Variants in SBF1 observed in about 807,000 individuals in gnomAD.
SBF1 encodes the protein SET binding factor 1.
SBF1 carries 65 observed loss-of-function variants against 215.8 expected under a neutral mutation model. The ratio of observed to expected loss-of-function variants is 0.30; its 90% CI spans 0.25 to 0.37. The LOEUF (loss-of-function observed/expected upper bound fraction) is 0.37. Among genes scored for constraint, SBF1 ranks in the 10% least tolerant of loss-of-function variants. The pLI, the probability that SBF1 is intolerant of heterozygous loss-of-function variation, is 1.00. For synonymous variants in SBF1, 1,410 were observed against 1,122.8 expected, an observed-to-expected ratio of 1.26 and a Z score of -5.11; for missense variants, 2,634 against 2,667.8, an observed-to-expected ratio of 0.99 and a Z score of 0.28.
intron 36 of SBF1, among the ~76,000 whole-genome samples, chr22:50,454,247 T>C (rs1323907856): frequency 6.6e-6 from 1 of 152,130 alleles, no homozygotes; most frequent in African/African-American, 2.4e-5. Context: ...GAGTGGAGGC[T>C]GTGTACTGAG....
chr22:50,474,686 T>A, intron 1 of SBF1, 100 bp downstream of exon 1: 30 of 519,294 alleles, frequency 5.8e-5, no homozygotes, highest in East Asian at 1.3e-4. Flanking sequence ...CCCCCAGCCC[T>A]CGGCCCCCAG....
intron 1 of SBF1, among the ~76,000 whole-genome samples, chr22:50,473,530 G>A (rs574990983): frequency 2.6e-5 from 4 of 152,328 alleles, no homozygotes; most frequent in South Asian, 2.1e-4. Context: ...CACACACTTG[G>A]ATAGACATGA....
chr22:50,462,528 C>T (rs767195776), intron 18 of SBF1, 31 bp downstream of exon 18: 2 of 1,609,934 alleles, frequency 1.2e-6, no homozygotes, highest in South Asian at 1.1e-5. Flanking sequence ...CCCCTAGCCC[C>T]CAGCCCCCAG....
intron 1 of SBF1, among the ~76,000 whole-genome samples, chr22:50,470,730 T>A (rs563231431): frequency 2.4e-4 from 36 of 152,266 alleles, no homozygotes; most frequent in Non-Finnish European, 2.1e-4. Context: ...GTAGAACACG[T>A]ACAGTCGGCT....
Position 50,466,383 on chromosome 22 carries a change from C to G in SBF1, c.755G>C (p.Gly252Ala). The G allele has an allele frequency of 6.4e-7, 1 of 1,556,948 alleles. No individual in the cohort carries two copies. Among genetic ancestry groups the G allele is most frequent in the Non-Finnish European group, 8.7e-7 (1 of 1,150,614 alleles). ...SYQRLADACR[G>A]LLALLFPLRY... ...GAGAGGAAACAGCAGTGCCAGGAGGCCCCTACAGGCATCGGCGAGCCGCTG... is the reference window on the plus strand; with the variant it reads ...GAGAGGAAACAGCAGTGCCAGGAGGGCCCTACAGGCATCGGCGAGCCGCTG... The change falls in exon 7 of 41, where the codon GGC (glycine) becomes GCC (alanine). Residue 252 changes from glycine to alanine, a missense_variant. By Grantham distance (60) the Gly-to-Ala change is moderately conservative. Transcript: ENST00000380817.
chr22:50,458,321 AAAG>A (rs2067343998), intron 28 of SBF1, among the ~76,000 whole-genome samples: 1 of 110,142 alleles, frequency 9.1e-6, no homozygotes, highest in Admixed American at 9.4e-5. Context: ...AAAAAAAAAA[AAAG>A]GTCAGGGCTG....
Position 50,467,568 on chromosome 22 carries a change from T to C in SBF1, c.402A>G (p.Val134=). ...SAQLFAPKTL[V]LVSRLDHTEV... The stretch of plus-strand genomic sequence containing the variant: ...CCGTGTGGTCGAGTCGCGACACCAG[T>C]ACCAGCGTCTTCGGTGCAAACAGCT... Residue 134 remains valine, a synonymous_variant, in exon 4 of 41, where the codon GTA becomes GTG. Coordinates refer to ENST00000380817, the MANE Select transcript of SBF1 (RefSeq NM_002972.4). The C allele has an allele frequency of 6.2e-7, 1 of 1,614,136 alleles. No individual in the cohort carries two copies. Among genetic ancestry groups the C allele is most frequent in the South Asian group, 1.1e-5 (1 of 91,082 alleles).
chr22:50,448,852 T>C (rs1313043133), intron 36 of SBF1, among the ~76,000 whole-genome samples: 3 of 152,070 alleles, frequency 2.0e-5, no homozygotes, highest in South Asian at 2.1e-4. Context: ...TTTCCCAAAC[T>C]AACCAGAGGC....
intron 15 of SBF1, 106 bp downstream of exon 15, chr22:50,464,223 C>T: frequency 1.1e-6 from 1 of 942,070 alleles, no homozygotes; most frequent in Non-Finnish European, 1.6e-6. Flanking sequence ...GTCTGTTAGG[C>T]AGAGGAGGCC....
In SBF1 at chr22:50,466,063, A is replaced by G. The variant is rs778070951; in HGVS notation, c.909T>C (p.Ile303=). The G allele has an allele frequency of 6.2e-7, 1 of 1,613,840 alleles. No individual in the cohort carries two copies. The highest frequency in any genetic ancestry group is 1.1e-5 in the South Asian group (1 of 91,086). The stretch of plus-strand genomic sequence containing the variant: ...CCGTCCCTCCATCCAGATCAGCAAC[A>G]ATCACATCGAGCTGCGGACCAAGGG... ...QAETQELLDV[I]VADLDGGTVT... is the part of the protein sequence containing the mutation. The change falls in exon 9 of 41, where the codon ATT becomes ATC. Residue 303 remains isoleucine, a synonymous_variant. Coordinates refer to ENST00000380817, the MANE Select transcript of SBF1 (RefSeq NM_002972.4).
chr22:50,462,122 G>A lies in SBF1; in HGVS notation c.2397-3C>T. ...TCTCGGCCACACTGCCAGCCATGCTGGGCCAGAGAAGAAACTGTGGGCATG... is the reference window on the plus strand; with the variant it reads ...TCTCGGCCACACTGCCAGCCATGCTAGGCCAGAGAAGAAACTGTGGGCATG... On this transcript the variant is annotated splice_polypyrimidine_tract_variant and splice_region_variant and intron_variant, in intron 19 of 40. Transcript: ENST00000380817. 1.9e-6 allele frequency: 3 copies of A among 1,612,822 alleles called. No individual in the cohort carries two copies. The highest frequency in any genetic ancestry group is 2.5e-6 in the Non-Finnish European group (3 of 1,180,006).
intron 19 of SBF1, 25 bp from the exon 20 acceptor site, chr22:50,462,144 C>A (rs1480070365): frequency 5.6e-6 from 9 of 1,610,584 alleles, no homozygotes; most frequent in Non-Finnish European, 7.6e-6. Flanking sequence ...AAACTGTGGG[C>A]ATGGGCCCTG....
chr22:50,460,506 C>A (rs1403168261), intron 24 of SBF1, 28 bp downstream of exon 24: 4 of 1,611,500 alleles, frequency 2.5e-6, no homozygotes, highest in Non-Finnish European at 3.4e-6. Flanking sequence ...TGAGGCCCAG[C>A]TGCCCTGCCT....
chr22:50,454,264 G>A (rs1382615522), intron 36 of SBF1, among the ~76,000 whole-genome samples: 1 of 152,214 alleles, frequency 6.6e-6, no homozygotes, highest in Non-Finnish European at 1.5e-5. Flanking sequence ...TGAGACCTGA[G>A]GGTCTCTGAT....
intron 36 of SBF1, among the ~76,000 whole-genome samples, chr22:50,452,024 G>A (rs537950297): frequency 6.6e-6 from 1 of 151,624 alleles, no homozygotes; most frequent in Non-Finnish European, 1.5e-5. Flanking sequence ...TCGAACTCCT[G>A]ACCTCAGGTT....
At chr22:50,459,846 C>T in intron 26 of SBF1, 106 bp downstream of exon 26, 1 of 1,445,146 alleles carries the variant, frequency 6.9e-7, no homozygotes, top group Non-Finnish European at 9.6e-7. Context: ...GAGTCTCCCC[C>T]TCCACATTCC....
At position 50,474,802 on chromosome 22, in the gene SBF1, G is replaced by A. The variant is rs1233981025; in HGVS notation, c.39C>T (p.Phe13=). Residue 13 remains phenylalanine, a synonymous_variant, in exon 1 of 41, where the codon TTC becomes TTT. Coordinates refer to ENST00000380817, the MANE Select transcript of SBF1 (RefSeq NM_002972.4). ...GGCACTCACCGCGCGGGTGCGGCCC[G>A]AACGCCACCAGCACGAAGTAGTCCG... The part of the protein sequence containing the change: ...RLADYFVLVA[F]GPHPRGSGEG... 4.1e-6 allele frequency: 6 copies of A among 1,458,362 alleles called. No homozygotes were observed. The highest frequency in any genetic ancestry group is 3.1e-5 in the East Asian group (1 of 32,046). 90.3% of individuals were successfully genotyped at this position (1,458,362 alleles called of 1,614,324 possible).
chr22:50,447,032 G>A lies in SBF1; in HGVS notation c.*110C>T. ...GTACACACAAGTGCTGGGGGCTCGGGGCCTCAATACTGTCGAGGGCCGGGG... is the reference window on the plus strand; with the variant it reads ...GTACACACAAGTGCTGGGGGCTCGGAGCCTCAATACTGTCGAGGGCCGGGG... On this transcript the variant is annotated 3_prime_UTR_variant, in exon 41 of 41. Coordinates refer to ENST00000380817, the MANE Select transcript of SBF1 (RefSeq NM_002972.4). 3 of 954,802 alleles carry A rather than the reference G, an allele frequency of 3.1e-6. No individual in the cohort carries two copies. Among genetic ancestry groups the A allele is most frequent in the South Asian group, 1.5e-5 (1 of 67,642 alleles). 59.1% of individuals were successfully genotyped at this position (954,802 alleles called of 1,614,324 possible). A position where few individuals can be genotyped will look rare whatever the true frequency, so the allele number is the denominator to read the frequency against.
rs1295014075 is a variant in SBF1, at chr22:50,474,993, G to A, written c.-153C>T. ...GGCGGCGGCGGCGGCGGCGGCGGCGGCCCAGGTTCCCGCCGCCATCTTCCC... is the reference window on the plus strand; with the variant it reads ...GGCGGCGGCGGCGGCGGCGGCGGCGACCCAGGTTCCCGCCGCCATCTTCCC... On this transcript the variant is annotated 5_prime_UTR_variant, in exon 1 of 41. Transcript: ENST00000380817. The A allele has an allele frequency of 6.4e-5, 17 of 265,366 alleles. 1 individual carries two copies. In the South Asian group the frequency reaches 1.4e-3, roughly 21 times the overall value. The allele number at this position is 265,366 out of a possible 1,614,324, so 16.4% of individuals were successfully genotyped here. A position where few individuals can be genotyped will look rare whatever the true frequency, so the allele number is the denominator to read the frequency against.
Sources: allele counts gnomAD v4.1 joint callset (sites outside exome capture counted in the v4.1 genomes callset), GRCh38; gene constraint gnomAD v4.1.1; transcripts MANE v1.5; gene names NCBI Gene and HGNC (gene_info 2026-07-23, HGNC 2026-07-21).